LRRC4C: variants seen among roughly 807,000 people sequenced by gnomAD.
LRRC4C encodes the protein leucine-rich repeat-containing protein 4C.
Under a neutral mutation model 33.6 loss-of-function variants are expected in LRRC4C, and 5 were observed. The ratio of observed to expected loss-of-function variants is 0.15; its 90% CI spans 0.08 to 0.31. LRRC4C has a LOEUF of 0.31. Ranked by LOEUF, LRRC4C falls within the 10% of genes least tolerant of loss-of-function variation. The pLI is 1.00. For missense variants in LRRC4C, 560 were observed against 796.7 expected (o/e 0.70, Z 3.58); for synonymous variants, 329 against 302.0 (o/e 1.09, Z -0.93).
chr11:41,022,419 C>T (rs1309933860), intron 1 of LRRC4C, among the ~76,000 whole-genome samples: 2 of 151,738 alleles, frequency 1.3e-5, no homozygotes, highest in Non-Finnish European at 2.9e-5. Context: ...AGGAGATTTG[C>T]CTTTTACATA....
intron 2 of LRRC4C, among the ~76,000 whole-genome samples, chr11:40,868,616 C>T (rs1954484912): frequency 6.6e-6 from 1 of 152,096 alleles, no homozygotes; most frequent in Non-Finnish European, 1.5e-5. Flanking sequence ...TAAAGACTAC[C>T]CACCACCACC....
chr11:40,881,291 C>A (rs1211266868), intron 2 of LRRC4C, among the ~76,000 whole-genome samples: 1 of 152,138 alleles, frequency 6.6e-6, no homozygotes, highest in African/African-American at 2.4e-5. Context: ...TTCAGTCCAA[C>A]AGCATACATT....
chr11:41,305,991 T>TGGCCCCCTG (rs1250622129), intron 1 of LRRC4C, among the ~76,000 whole-genome samples: 1 of 148,140 alleles, frequency 6.8e-6, no homozygotes, highest in Non-Finnish European at 1.5e-5. Flanking sequence ...TGCTGAACGC[T>TGGCCCCCTG]GGCCCCCTGG....
At chr11:41,198,106 G>A (rs1354845273) in intron 1 of LRRC4C, among the ~76,000 whole-genome samples, 14 of 151,788 alleles carry the variant, frequency 9.2e-5, no homozygotes, top group Admixed American at 8.6e-4. Flanking sequence ...ATTTACTTAG[G>A]AGTATCTATG....
At chr11:40,724,751 G>T (rs1308816099) in intron 2 of LRRC4C, among the ~76,000 whole-genome samples, 1 of 152,044 alleles carries the variant, frequency 6.6e-6, no homozygotes, top group Admixed American at 6.5e-5. Context: ...AATGAGATCA[G>T]ATTTAAATGA....
intron 1 of LRRC4C, among the ~76,000 whole-genome samples, chr11:41,082,727 C>T (rs948913641): frequency 6.6e-6 from 1 of 152,068 alleles, no homozygotes; most frequent in Non-Finnish European, 1.5e-5. Context: ...CTTGTTTATC[C>T]TTTGTGCTAC....
intron 1 of LRRC4C, among the ~76,000 whole-genome samples, chr11:40,957,771 T>C (rs1462227): frequency 0.28 from 42,306 of 151,550 alleles, 6,087 homozygotes; most frequent in Middle Eastern, 0.33. Flanking sequence ...GCAAATCTAC[T>C]GGGGGATGAG....
At chr11:41,070,821 T>G (rs1938621678) in intron 1 of LRRC4C, among the ~76,000 whole-genome samples, 1 of 152,262 alleles carries the variant, frequency 6.6e-6, no homozygotes, top group Middle Eastern at 3.4e-3. Flanking sequence ...TTGGTGGGAA[T>G]GTAAATTAAT....
chr11:41,031,907 A>T (rs1028297102), intron 1 of LRRC4C, among the ~76,000 whole-genome samples: 5 of 151,998 alleles, frequency 3.3e-5, no homozygotes, highest in African/African-American at 1.2e-4. Context: ...AAGGTGATAC[A>T]GGCAGGTTGT....
chr11:40,732,216 AG>A (rs1830193379), intron 2 of LRRC4C, among the ~76,000 whole-genome samples: 1 of 152,214 alleles, frequency 6.6e-6, no homozygotes, highest in African/African-American at 2.4e-5. Context: ...CAGAAAAAAA[AG>A]TATGGCCCTC....
chr11:41,443,480 T>C (rs1321230285), intron 1 of LRRC4C, among the ~76,000 whole-genome samples: 1 of 151,990 alleles, frequency 6.6e-6, no homozygotes, highest in Non-Finnish European at 1.5e-5. Context: ...CTGCACTCTA[T>C]CCTGGGCAAG....
At chr11:40,891,053 G>A (rs1955685151) in intron 2 of LRRC4C, among the ~76,000 whole-genome samples, 1 of 151,954 alleles carries the variant, frequency 6.6e-6, no homozygotes. Context: ...AACCATCCTG[G>A]CCAATGTCTC....
intron 2 of LRRC4C, among the ~76,000 whole-genome samples, chr11:40,854,929 A>C (rs978482426): frequency 6.6e-5 from 10 of 152,124 alleles, no homozygotes; most frequent in African/African-American, 2.2e-4. Flanking sequence ...AATTGGCCAA[A>C]TATAAAAGAC....
chr11:40,335,868 A>T (rs1946575278), intron 3 of LRRC4C, among the ~76,000 whole-genome samples: 1 of 152,106 alleles, frequency 6.6e-6, no homozygotes, highest in African/African-American at 2.4e-5. Flanking sequence ...TCGAGTCTCT[A>T]CTCCAACTTT....
intron 2 of LRRC4C, among the ~76,000 whole-genome samples, chr11:40,698,776 G>C (rs189726027): frequency 6.6e-6 from 1 of 152,086 alleles, no homozygotes. Context: ...AAGATGAAAG[G>C]CACATCTTAC....
intron 1 of LRRC4C, among the ~76,000 whole-genome samples, chr11:41,182,991 C>T (rs1945521540): frequency 6.6e-6 from 1 of 151,984 alleles, no homozygotes; most frequent in African/African-American, 2.4e-5. Context: ...CAGGGAAACT[C>T]CCATTTTTTA....
chr11:40,484,746 A>G (rs1953767816), intron 3 of LRRC4C, among the ~76,000 whole-genome samples: 1 of 152,156 alleles, frequency 6.6e-6, no homozygotes, highest in South Asian at 2.1e-4. Context: ...AAAAAGAATT[A>G]TTCCAAATAG....
chr11:40,818,688 C>T (rs984808355), intron 2 of LRRC4C, among the ~76,000 whole-genome samples: 7 of 151,850 alleles, frequency 4.6e-5, no homozygotes, highest in Non-Finnish European at 8.8e-5. Context: ...TATTTTATAT[C>T]GAGATTTCAT....
At chr11:41,450,236 C>A (rs758249765) in intron 1 of LRRC4C, among the ~76,000 whole-genome samples, 27 of 152,016 alleles carry the variant, frequency 1.8e-4, no homozygotes, top group Non-Finnish European at 3.8e-4. Flanking sequence ...GGCACCCCTT[C>A]CAGAAAATAG....
Sources: allele counts gnomAD v4.1 joint callset (sites outside exome capture counted in the v4.1 genomes callset), GRCh38; gene constraint gnomAD v4.1.1; transcripts MANE v1.5; gene names NCBI Gene and HGNC (gene_info 2026-07-23, HGNC 2026-07-21).